C2orf76: variants seen among roughly 807,000 people sequenced by gnomAD.
The protein encoded by C2orf76 is UPF0538 protein C2orf76.
In C2orf76, 23 loss-of-function variants were observed where a neutral mutation model predicts 16.9. The ratio of observed to expected loss-of-function variants is 1.36; its 90% CI spans 0.98 to 1.93. The LOEUF (loss-of-function observed/expected upper bound fraction) is 1.93, where lower values mean the gene tolerates loss of function less well. Ranked by LOEUF, C2orf76 falls within the 30% of genes most tolerant of loss-of-function variation. The pLI is 0.00. For missense variants in C2orf76, 152 were observed against 152.6 expected (o/e 1.00, Z 0.02); for synonymous variants, 48 against 52.3 (o/e 0.92, Z 0.35).
intron 1 of C2orf76, among the ~76,000 whole-genome samples, chr2:119,363,201 G>C (rs1680800119): frequency 6.6e-6 from 1 of 152,100 alleles, no homozygotes. Context: ...GAGACGGGCG[G>C]ATCACGAGGT....
intron 5 of C2orf76, among the ~76,000 whole-genome samples, chr2:119,303,227 C>G (rs1454068714): frequency 6.6e-6 from 1 of 152,238 alleles, no homozygotes; most frequent in Non-Finnish European, 1.5e-5. Flanking sequence ...AGAGCAGTCA[C>G]AATTCTTTCA....
chr2:119,364,211 G>T (rs181688925), intron 1 of C2orf76, among the ~76,000 whole-genome samples: 21 of 151,992 alleles, frequency 1.4e-4, no homozygotes, highest in African/African-American at 4.8e-4. Context: ...AGACAAGAGT[G>T]GTTTCTATGA....
At chr2:119,357,285 T>A (rs1680601124) in intron 1 of C2orf76, among the ~76,000 whole-genome samples, 1 of 152,092 alleles carries the variant, frequency 6.6e-6, no homozygotes, top group African/African-American at 2.4e-5. Flanking sequence ...ATATCCCTTA[T>A]GAATATAGAC....
intron 2 of C2orf76, among the ~76,000 whole-genome samples, chr2:119,326,613 G>A (rs943761971): frequency 6.6e-6 from 1 of 151,746 alleles, no homozygotes; most frequent in African/African-American, 2.4e-5. Context: ...AAAAAAGCCT[G>A]CCAGAATTTT....
At chr2:119,284,416 A>T in the C2orf76 span, among the ~76,000 whole-genome samples, 1 of 152,042 alleles carries the variant, frequency 6.6e-6, no homozygotes, top group African/African-American at 2.4e-5. Context: ...AGGGCAGAAA[A>T]CTTCTCCACA....
the C2orf76 span, among the ~76,000 whole-genome samples, chr2:119,290,293 G>A: frequency 6.6e-6 from 1 of 151,950 alleles, no homozygotes; most frequent in African/African-American, 2.4e-5. Flanking sequence ...TGTTGTACTA[G>A]GAAGCATTTA....
intron 4 of C2orf76, among the ~76,000 whole-genome samples, chr2:119,315,193 T>TAC (rs148908865): frequency 0.019 from 2,798 of 149,982 alleles, 72 homozygotes; most frequent in African/African-American, 0.061. Context: ...CACACACACA[T>TAC]ACACACACAC....
chr2:119,321,302 G>C, intron 2 of C2orf76, 98 bp from the exon 3 acceptor site: 2 of 698,842 alleles, frequency 2.9e-6, no homozygotes. Context: ...TACAGACTAA[G>C]TTACCTTGAA....
In C2orf76 at chr2:119,339,973, T is replaced by C. The variant is rs1401696496; in HGVS notation, c.-12-2A>G. On this transcript the variant is annotated splice_acceptor_variant, in intron 1 of 5. Transcript: ENST00000334816. LOFTEE classifies it low-confidence loss of function (5UTR_SPLICE). Reference sequence around the variant, plus strand: ...TCCAGGAGCCATGTGAAGAAATTCCTGTGGCAAGAGACATGAGAACCATCT... The same window carrying C: ...TCCAGGAGCCATGTGAAGAAATTCCCGTGGCAAGAGACATGAGAACCATCT... 4.4e-6 allele frequency: 7 copies of C among 1,606,588 alleles called. No homozygotes were observed. The highest frequency in any genetic ancestry group is 5.1e-6 in the Non-Finnish European group (6 of 1,173,834).
At chr2:119,317,008 T>C (rs1347736337) in intron 4 of C2orf76, among the ~76,000 whole-genome samples, 1 of 152,214 alleles carries the variant, frequency 6.6e-6, no homozygotes, top group Non-Finnish European at 1.5e-5. Flanking sequence ...AAAAGGTGTG[T>C]TCCCAGAGCC....
chr2:119,305,780 C>T (rs935106161), intron 5 of C2orf76, among the ~76,000 whole-genome samples: 4 of 152,126 alleles, frequency 2.6e-5, no homozygotes, highest in Non-Finnish European at 5.9e-5. Context: ...AAGCTGTGCT[C>T]ACAGCTGAGT....
At chr2:119,322,613 A>G (rs1679380586) in intron 2 of C2orf76, among the ~76,000 whole-genome samples, 1 of 152,234 alleles carries the variant, frequency 6.6e-6, no homozygotes, top group African/African-American at 2.4e-5. Context: ...TGTTAGGAAA[A>G]GTCCAAATGT....
intron 2 of C2orf76, among the ~76,000 whole-genome samples, chr2:119,335,660 A>G (rs894153801): frequency 9.8e-5 from 15 of 152,362 alleles, no homozygotes; most frequent in African/African-American, 3.6e-4. Flanking sequence ...GTACCATTTG[A>G]AAAGGGAAGG....
intron 5 of C2orf76, among the ~76,000 whole-genome samples, chr2:119,306,254 T>C (rs1242637457): frequency 2.0e-5 from 3 of 151,926 alleles, no homozygotes; most frequent in Admixed American, 1.3e-4. Context: ...GAAACACAAA[T>C]CAAACATCAT....
chr2:119,321,872 C>A (rs1679355291), intron 2 of C2orf76, among the ~76,000 whole-genome samples: 1 of 113,912 alleles, frequency 8.8e-6, no homozygotes, highest in Admixed American at 9.0e-5. Context: ...ATATATATAG[C>A]TGATGTTTGT....
At chr2:119,281,793 G>A in the C2orf76 span, among the ~76,000 whole-genome samples, 1 of 152,104 alleles carries the variant, frequency 6.6e-6, no homozygotes, top group Non-Finnish European at 1.5e-5. Flanking sequence ...AAAGAACAGA[G>A]AGAGGGAAGC....
intron 2 of C2orf76, 141 bp downstream of exon 2, chr2:119,339,686 C>G: frequency 1.2e-6 from 1 of 814,224 alleles, no homozygotes; most frequent in Non-Finnish European, 1.9e-6. Flanking sequence ...GGGCCCAGAA[C>G]CGGGGCTCGC....
chr2:119,317,525 T>A, intron 3 of C2orf76, 22 bp from the exon 4 acceptor site: 1 of 1,588,246 alleles, frequency 6.3e-7, no homozygotes, highest in Non-Finnish European at 8.6e-7. Flanking sequence ...AAGCAAGTTA[T>A]CTTTTTACAC....
chr2:119,293,903 T>C, the C2orf76 span, among the ~76,000 whole-genome samples: 1 of 142,744 alleles, frequency 7.0e-6, no homozygotes, highest in Non-Finnish European at 1.6e-5. Flanking sequence ...AGCTGGAGTG[T>C]GTTATCATCT....
Sources: allele counts gnomAD v4.1 joint callset (sites outside exome capture counted in the v4.1 genomes callset), GRCh38; gene constraint gnomAD v4.1.1; transcripts MANE v1.5; gene names NCBI Gene and HGNC (gene_info 2026-07-23, HGNC 2026-07-21).